The following HECW1 variants were observed in gnomAD, a reference collection of about 807,000 sequenced individuals.
HECW1 encodes the protein E3 ubiquitin-protein ligase HECW1.
In HECW1, 61 loss-of-function variants were observed where a neutral mutation model predicts 182.3. That is an observed-to-expected ratio of 0.33 (90% confidence interval 0.27 to 0.41). The LOEUF (loss-of-function observed/expected upper bound fraction) is 0.41, where lower values mean the gene tolerates loss of function less well. Among genes scored for constraint, HECW1 ranks in the 10% least tolerant of loss-of-function variants. HECW1 has a pLI of 1.00. For missense variants in HECW1, 1,739 were observed against 2,108.9 expected (o/e 0.82, Z 3.44); for synonymous variants, 859 against 832.6 (o/e 1.03, Z -0.55).
At chr7:43,561,339 A>G (rs965701870) in intron 29 of HECW1, among the ~76,000 whole-genome samples, 8 of 152,210 alleles carry the variant, frequency 5.3e-5, no homozygotes, top group South Asian at 4.1e-4. Context: ...TCCAGAGCAC[A>G]CTTGACTTGA....
At chr7:43,215,046 C>A (rs1164986875) in intron 2 of HECW1, among the ~76,000 whole-genome samples, 1 of 152,236 alleles carries the variant, frequency 6.6e-6, no homozygotes, top group African/African-American at 2.4e-5. Context: ...TCTTCCTGCT[C>A]TCCTTGGGTT....
chr7:43,468,868 A>G (rs2077897384), intron 15 of HECW1, 52 bp from the exon 16 acceptor site: 7 of 1,542,986 alleles, frequency 4.5e-6, no homozygotes, highest in Middle Eastern at 1.7e-4. Flanking sequence ...TGCTTGCTCT[A>G]TGTTTTTCCT....
intron 8 of HECW1, among the ~76,000 whole-genome samples, chr7:43,409,777 A>C (rs2075736148): frequency 6.6e-6 from 1 of 152,330 alleles, no homozygotes; most frequent in East Asian, 1.9e-4. Context: ...ATTTGAACCA[A>C]GGTTTGTGTT....
At chr7:43,436,738 G>T (rs925152068) in intron 8 of HECW1, among the ~76,000 whole-genome samples, 1 of 152,186 alleles carries the variant, frequency 6.6e-6, no homozygotes, top group Non-Finnish European at 1.5e-5. Flanking sequence ...GCTTAGCTTG[G>T]GCTCTGAGGC....
At chr7:43,502,534 C>T (rs1035198062) in intron 21 of HECW1, among the ~76,000 whole-genome samples, 3 of 152,054 alleles carry the variant, frequency 2.0e-5, no homozygotes, top group African/African-American at 7.3e-5. Flanking sequence ...TGGTGGTGCA[C>T]GCCTTTAGTA....
chr7:43,514,209 A>T (rs956743884), intron 24 of HECW1, among the ~76,000 whole-genome samples: 3 of 152,164 alleles, frequency 2.0e-5, no homozygotes, highest in African/African-American at 7.2e-5. Flanking sequence ...TCCACCAGAA[A>T]TCTTATAATT....
At chr7:43,509,159 T>G (rs758531616) in intron 24 of HECW1, 38 bp downstream of exon 24, 1 of 1,599,808 alleles carries the variant, frequency 6.3e-7, no homozygotes, top group South Asian at 1.1e-5. Context: ...TATTTGAAAG[T>G]TCTCCTCTTT....
intron 8 of HECW1, among the ~76,000 whole-genome samples, chr7:43,425,438 A>G (rs1161780999): frequency 6.6e-6 from 1 of 152,118 alleles, no homozygotes; most frequent in Non-Finnish European, 1.5e-5. Flanking sequence ...AAGTAATCCA[A>G]TCAAGTCTAA....
chr7:43,340,855 C>G (rs752499463), intron 5 of HECW1, among the ~76,000 whole-genome samples: 3 of 151,728 alleles, frequency 2.0e-5, no homozygotes, highest in African/African-American at 7.3e-5. Context: ...AAGACACATG[C>G]ACACGTATGT....
chr7:43,221,755 G>A (rs1025648507), intron 2 of HECW1, among the ~76,000 whole-genome samples: 24 of 151,800 alleles, frequency 1.6e-4, no homozygotes, highest in South Asian at 1.5e-3. Flanking sequence ...GGGTTTCACC[G>A]TATTAGCCAG....
intron 9 of HECW1, chr7:43,438,750 G>A (rs1562974939): frequency 6.6e-6 from 1 of 152,202 alleles, no homozygotes; most frequent in African/African-American, 2.4e-5. Flanking sequence ...CATTAAAGTG[G>A]ACTATGACCA....
Position 43,507,203 on chromosome 7 carries a change from A to G in HECW1, c.3698A>G (p.Asn1233Ser). The G allele has an allele frequency of 6.2e-7, 1 of 1,614,054 alleles. No individual in the cohort carries two copies. The highest frequency in any genetic ancestry group is 8.5e-7 in the Non-Finnish European group (1 of 1,179,914). Residue 1233 changes from asparagine (N) to serine (S), a missense_variant, in exon 22 of 30, where the codon AAT becomes AGT. Asn to Ser is a conservative substitution (Grantham distance 46). This residue lies in a region of HECW1 where 420 missense variants were observed against 595.7 expected (regional missense o/e 0.71). Transcript: ENST00000395891. ...YRRDFEAKLR[N>S]FYRKLEAKGF... Reference sequence around the variant, plus strand: ...AGAGACTTTGAGGCCAAGCTCCGCAATTTCTACAGAAAACTGGAAGCCAAA... The same window carrying G: ...AGAGACTTTGAGGCCAAGCTCCGCAGTTTCTACAGAAAACTGGAAGCCAAA...
At chr7:43,235,006 A>G (rs759057787) in intron 2 of HECW1, among the ~76,000 whole-genome samples, 1 of 152,226 alleles carries the variant, frequency 6.6e-6, no homozygotes, top group Non-Finnish European at 1.5e-5. Flanking sequence ...ACAATAGTGA[A>G]TCACCAGCAA....
intron 5 of HECW1, among the ~76,000 whole-genome samples, chr7:43,352,459 A>G (rs183771684): frequency 3.6e-4 from 55 of 152,284 alleles, no homozygotes; most frequent in Admixed American, 1.9e-3. Context: ...TGAATTACCT[A>G]GTACATTATT....
At chr7:43,491,998 A>G (rs1052036682) in intron 17 of HECW1, 77 bp from the exon 18 acceptor site, 19 of 1,019,338 alleles carry the variant, frequency 1.9e-5, no homozygotes, top group Non-Finnish European at 2.7e-5. Flanking sequence ...TTTACCCCTT[A>G]GGTTGAAAAA....
chr7:43,157,599 C>T (rs1395000704), intron 2 of HECW1, among the ~76,000 whole-genome samples: 2 of 152,100 alleles, frequency 1.3e-5, no homozygotes, highest in Non-Finnish European at 2.9e-5. Flanking sequence ...CTCACTATGT[C>T]ACTCAACCTG....
At position 43,550,388 on chromosome 7, in the gene HECW1, C is replaced by A. The variant is rs1163420516; in HGVS notation, c.4249-57C>A. 3.1e-6 allele frequency: 5 copies of A among 1,599,110 alleles called. No individual in the cohort carries two copies. The African/African-American group carries it at 6.7e-5, about 21-fold the overall frequency. On this transcript the variant is annotated intron_variant, in intron 26 of 29. Transcript: ENST00000395891. Reference sequence around the variant, plus strand: ...GGTCATCCCCCTAAAATCAGTGTGCCTCCCTGAGAGATAAGCAGAACTGAC... The same window carrying A: ...GGTCATCCCCCTAAAATCAGTGTGCATCCCTGAGAGATAAGCAGAACTGAC...
chr7:43,483,170 T>C (rs2078496786), intron 17 of HECW1, among the ~76,000 whole-genome samples: 1 of 152,194 alleles, frequency 6.6e-6, no homozygotes, highest in South Asian at 2.1e-4. Context: ...GACCACTGAA[T>C]GAATTTGAGG....
At chr7:43,534,734 T>C (rs142488038) in intron 24 of HECW1, among the ~76,000 whole-genome samples, 1 of 152,352 alleles carries the variant, frequency 6.6e-6, no homozygotes, top group African/African-American at 2.4e-5. Flanking sequence ...AATTGAGACC[T>C]TAACTGTGCC....
Sources: allele counts gnomAD v4.1 joint callset (sites outside exome capture counted in the v4.1 genomes callset), GRCh38; gene constraint gnomAD v4.1.1; regional missense constraint gnomAD v4.1.1; transcripts MANE v1.5; gene names NCBI Gene and HGNC (gene_info 2026-07-23, HGNC 2026-07-21).